ZSWIM4: variants seen among roughly 807,000 people sequenced by gnomAD.
ZSWIM4 encodes the protein zinc finger SWIM-type containing 4, also known as zinc finger SWIM domain-containing protein 4.
In ZSWIM4, 62 loss-of-function variants were observed where a neutral mutation model predicts 102.5. The observed-to-expected ratio is 0.60, with a 90% CI of 0.49 to 0.75. The LOEUF is 0.75. Ranked by LOEUF, ZSWIM4 falls within the 30% of genes least tolerant of loss-of-function variation. ZSWIM4 has a pLI of 0.00. For missense variants in ZSWIM4, 1,280 were observed against 1,529.6 expected (o/e 0.84, Z 2.72); for synonymous variants, 652 against 674.5 (o/e 0.97, Z 0.52).
At position 13,795,451 on chromosome 19, in the gene ZSWIM4, G is replaced by GT. The variant is rs1350567582; in HGVS notation, c.-198_-197insT. The GT allele has an allele frequency of 5.1e-6, 1 of 196,584 alleles. No individual in the cohort carries two copies. The highest frequency in any genetic ancestry group is 2.4e-5 in the African/African-American group (1 of 42,414). 12.2% of individuals were successfully genotyped at this position (196,584 alleles called of 1,614,324 possible). ...GCGGCTGAAGCAGCTTCATTGTTGT[G>GT]AAGAGTCTTAAAGGGGCCGCATCAC... On this transcript the variant is annotated 5_prime_UTR_variant, in exon 1 of 14. Transcript: ENST00000590508.
intron 5 of ZSWIM4, among the ~76,000 whole-genome samples, 159 bp from the exon 6 acceptor site, chr19:13,812,838 A>G (rs1238458240): frequency 6.6e-6 from 1 of 151,964 alleles, no homozygotes; most frequent in Admixed American, 6.6e-5. Context: ...TCTGTGCCTC[A>G]GTTTGCTTGT....
At chr19:13,802,645 AATAGC>A (rs1974805860) in intron 2 of ZSWIM4, among the ~76,000 whole-genome samples, 1 of 151,102 alleles carries the variant, frequency 6.6e-6, no homozygotes, top group Non-Finnish European at 1.5e-5. Context: ...GTGGCGCGAT[AATAGC>A]TCACTGCAGC....
intron 5 of ZSWIM4, 133 bp from the exon 6 acceptor site, chr19:13,812,864 G>A: frequency 1.1e-6 from 1 of 914,828 alleles, no homozygotes; most frequent in Non-Finnish European, 1.7e-6. Context: ...AGGTGCAAAG[G>A]CTGCGAGTTG....
chr19:13,798,811 C>T (rs1268262617), intron 1 of ZSWIM4, among the ~76,000 whole-genome samples: 4 of 152,138 alleles, frequency 2.6e-5, no homozygotes, highest in African/African-American at 4.8e-5. Flanking sequence ...TTATTTGAGA[C>T]GGAGTCTCGC....
chr19:13,822,454 C>G (rs980811526), intron 10 of ZSWIM4, among the ~76,000 whole-genome samples: 1 of 152,118 alleles, frequency 6.6e-6, no homozygotes, highest in African/African-American at 2.4e-5. Context: ...ATTTCAGTGT[C>G]CAGAAATGGT....
chr19:13,808,215 G>A (rs112489234), intron 3 of ZSWIM4, among the ~76,000 whole-genome samples: 2,746 of 152,160 alleles, frequency 0.018, 77 homozygotes, highest in African/African-American at 0.063. Flanking sequence ...AATTCAACAT[G>A]AGATTTGGGT....
At position 13,808,835 on chromosome 19, in the gene ZSWIM4, G is replaced by C; in HGVS notation, c.713-1G>C. 6.3e-7 allele frequency: 1 copy of C among 1,599,680 alleles called. No individual in the cohort carries two copies. Among genetic ancestry groups the C allele is most frequent in the Non-Finnish European group, 8.5e-7 (1 of 1,172,382 alleles). ...AGCTTCCTTTCCCTCCCTCCCGGCA[G>C]GTGCCCCAGACCCCACCGCCGGCGC... On this transcript the variant is annotated splice_acceptor_variant, in intron 3 of 13. Transcript: ENST00000590508. LOFTEE classifies it high-confidence loss of function.
rs1473590026 is a variant in ZSWIM4 at position 13,817,731 on chromosome 19, C to T, written c.1679C>T (p.Pro560Leu). ...ETLTLYPDSG[P>L]EKRKVAYQHV... ...GCCCTGTCTCCCCCAGACTCAGGCC[C>T]CGAGAAGCGGAAGGTGGCCTACCAG... The change falls in exon 9 of 14, where the codon CCC becomes CTC. Residue 560 changes from proline to leucine, a missense_variant. By Grantham distance (98) the Pro-to-Leu change is moderately conservative (BLOSUM62 -3). Coordinates refer to ENST00000590508, the MANE Select transcript of ZSWIM4 (RefSeq NM_001367834.3). 1.9e-6 allele frequency: 3 copies of T among 1,608,314 alleles called. No individual in the cohort carries two copies. The highest frequency in any genetic ancestry group is 3.4e-5 in the Admixed American group (2 of 58,990).
Position 13,804,850 on chromosome 19 carries a change from C to T in ZSWIM4, c.414C>T (p.Leu138=). The T allele has an allele frequency of 3.1e-6, 5 of 1,612,518 alleles. No individual in the cohort carries two copies. The highest frequency in any genetic ancestry group is 4.2e-6 in the Non-Finnish European group (5 of 1,179,166). The change falls in exon 3 of 14, where the codon CTC becomes CTT. Residue 138 remains leucine (L), a synonymous_variant. Coordinates refer to ENST00000590508, the MANE Select transcript of ZSWIM4 (RefSeq NM_001367834.3). Reference sequence around the variant, plus strand: ...GGAGTCCTGGAGAGCCCGAGCGCCTCTACCATGTCTCCATCAGCTTTGATC... The same window carrying T: ...GGAGTCCTGGAGAGCCCGAGCGCCTTTACCATGTCTCCATCAGCTTTGATC... ...EPGSPGEPER[L]YHVSISFDRC...
intron 1 of ZSWIM4, among the ~76,000 whole-genome samples, chr19:13,798,315 CTG>C (rs147267493): frequency 2.0e-5 from 3 of 150,958 alleles, no homozygotes; most frequent in Non-Finnish European, 4.4e-5. Context: ...ATTTTTAATT[CTG>C]TGTGTGTGTG....
chr19:13,808,084 A>G (rs144950979), intron 3 of ZSWIM4, among the ~76,000 whole-genome samples: 84 of 152,100 alleles, frequency 5.5e-4, no homozygotes, highest in African/African-American at 2.0e-3. Context: ...CTTTCAAACA[A>G]CCAGATCTCA....
At position 13,809,038 on chromosome 19, in the gene ZSWIM4, A is replaced by G. The variant is rs1568332110; in HGVS notation, c.862-32A>G. On this transcript the variant is annotated intron_variant, in intron 4 of 13. Coordinates refer to ENST00000590508, the MANE Select transcript of ZSWIM4 (RefSeq NM_001367834.3). This position sits in a 1 kb window ranked among gnomAD's most constrained non-coding sequence, Gnocchi z 4.2. ...TGCAGAAGGCCCCGGCGGACGCCCCAGCCCTTCCTCACCACCCTGTCCCCG... is the reference window on the plus strand; with the variant it reads ...TGCAGAAGGCCCCGGCGGACGCCCCGGCCCTTCCTCACCACCCTGTCCCCG... 1.2e-6 allele frequency: 2 copies of G among 1,607,478 alleles called. No homozygotes were observed. Among genetic ancestry groups the G allele is most frequent in the Non-Finnish European group, 1.7e-6 (2 of 1,175,370 alleles).
intron 8 of ZSWIM4, 95 bp downstream of exon 8, chr19:13,817,448 T>C: frequency 2.0e-6 from 3 of 1,503,106 alleles, no homozygotes; most frequent in Non-Finnish European, 2.7e-6. Flanking sequence ...ACTCCCAGAC[T>C]CTGACCCTTG....
At chr19:13,800,244 C>A (rs1173452262) in intron 2 of ZSWIM4, among the ~76,000 whole-genome samples, 2 of 27,502 alleles carry the variant, frequency 7.3e-5, no homozygotes, top group Non-Finnish European at 1.6e-4. Context: ...TTTTGTATTT[C>A]TTTTTTTTTT....
chr19:13,807,611 G>A (rs1214930523), intron 3 of ZSWIM4, among the ~76,000 whole-genome samples: 1 of 148,674 alleles, frequency 6.7e-6, no homozygotes, highest in Non-Finnish European at 1.5e-5. Flanking sequence ...TGGATGGATG[G>A]ATGGATGAAT....
chr19:13,804,845 C>T lies in ZSWIM4; in HGVS notation c.409C>T (p.Arg137Cys), dbSNP rs533979909. 1.4e-5 allele frequency: 22 copies of T among 1,609,610 alleles called. No individual in the cohort carries two copies. The Middle Eastern group carries it at 5.0e-4, about 36-fold the overall frequency. Reference sequence around the variant, plus strand: ...GCCAGGGAGTCCTGGAGAGCCCGAGCGCCTCTACCATGTCTCCATCAGCTT... The same window carrying T: ...GCCAGGGAGTCCTGGAGAGCCCGAGTGCCTCTACCATGTCTCCATCAGCTT... ...REPGSPGEPE[R>C]LYHVSISFDR... The change falls in exon 3 of 14, where the codon CGC becomes TGC. Residue 137 changes from arginine (R) to cysteine (C), a missense_variant. Transcript: ENST00000590508.
chr19:13,819,090 T>C (rs1322953468), intron 9 of ZSWIM4, among the ~76,000 whole-genome samples: 1 of 149,054 alleles, frequency 6.7e-6, no homozygotes, highest in East Asian at 2.0e-4. Flanking sequence ...GGTCTCGAAC[T>C]CCTAACCTCG....
At chr19:13,828,192 T>C (rs1568346589) in intron 12 of ZSWIM4, among the ~76,000 whole-genome samples, 1 of 152,088 alleles carries the variant, frequency 6.6e-6, no homozygotes, top group African/African-American at 2.4e-5. Context: ...GCGGATCACT[T>C]GAGGTCAGGA....
At chr19:13,828,927 C>T (rs1975683482) in intron 13 of ZSWIM4, among the ~76,000 whole-genome samples, 1 of 151,684 alleles carries the variant, frequency 6.6e-6, no homozygotes, top group Non-Finnish European at 1.5e-5. Flanking sequence ...ATAGTGAGAC[C>T]CCATCTCTAC....
Sources: allele counts gnomAD v4.1 joint callset (sites outside exome capture counted in the v4.1 genomes callset), GRCh38; gene constraint gnomAD v4.1.1; non-coding constraint Gnocchi (gnomAD v3.1); transcripts MANE v1.5; gene names NCBI Gene and HGNC (gene_info 2026-07-23, HGNC 2026-07-21).